CNTN5: variants seen among roughly 807,000 people sequenced by gnomAD.
The protein encoded by CNTN5 is contactin-5.
In CNTN5, 77 loss-of-function variants were observed where a neutral mutation model predicts 129.1. The observed-to-expected ratio is 0.60, with a 90% CI of 0.50 to 0.72. The LOEUF (loss-of-function observed/expected upper bound fraction) is 0.72. CNTN5 is among the 30% of genes least tolerant of loss of function. The pLI, the probability that CNTN5 is intolerant of heterozygous loss-of-function variation, is 0.00. For synonymous variants in CNTN5, 509 were observed against 465.6 expected (o/e 1.09, Z -1.20); for missense variants, 1,478 against 1,328.8 (o/e 1.11, Z -1.75).
chr11:99,479,345 A>G (rs996225312), intron 2 of CNTN5, among the ~76,000 whole-genome samples: 1 of 151,886 alleles, frequency 6.6e-6, no homozygotes, highest in Non-Finnish European at 1.5e-5. Flanking sequence ...CTATCCATTT[A>G]CTAGTTCTAT....
chr11:99,971,219 T>A (rs1951241757), intron 8 of CNTN5, among the ~76,000 whole-genome samples: 1 of 152,122 alleles, frequency 6.6e-6, no homozygotes, highest in African/African-American at 2.4e-5. Context: ...ACCTGAGATG[T>A]TGAGAATTTT....
At chr11:99,046,382 T>G (rs1268789064) in intron 1 of CNTN5, among the ~76,000 whole-genome samples, 1 of 152,074 alleles carries the variant, frequency 6.6e-6, no homozygotes, top group Non-Finnish European at 1.5e-5. Context: ...GGACTGTAAG[T>G]GTTCACTGTG....
At chr11:99,786,180 CA>C (rs1334006228) in intron 3 of CNTN5, among the ~76,000 whole-genome samples, 1 of 152,068 alleles carries the variant, frequency 6.6e-6, no homozygotes. Context: ...AATCAATGTG[CA>C]AAAATCAAAA....
At chr11:99,567,497 G>A (rs1002487513) in intron 3 of CNTN5, among the ~76,000 whole-genome samples, 1 of 151,956 alleles carries the variant, frequency 6.6e-6, no homozygotes, top group Admixed American at 6.6e-5. Flanking sequence ...TCATTGATAA[G>A]CTTATACAAA....
chr11:99,481,013 C>G (rs1049367008), intron 2 of CNTN5, among the ~76,000 whole-genome samples: 3 of 152,104 alleles, frequency 2.0e-5, no homozygotes, highest in African/African-American at 7.2e-5. Context: ...CCTACTCTCA[C>G]TCAGCTTACT....
chr11:99,966,181 C>A (rs932647890), intron 8 of CNTN5, among the ~76,000 whole-genome samples: 1 of 152,064 alleles, frequency 6.6e-6, no homozygotes, highest in Admixed American at 6.6e-5. Context: ...AAAATGTAGA[C>A]CTTTCTAAAA....
chr11:99,195,997 G>A (rs1282815582), intron 1 of CNTN5, among the ~76,000 whole-genome samples: 1 of 151,880 alleles, frequency 6.6e-6, no homozygotes, highest in Non-Finnish European at 1.5e-5. Context: ...CATTACTAAT[G>A]CTTGTGGTGT....
intron 9 of CNTN5, among the ~76,000 whole-genome samples, chr11:100,049,284 C>T (rs1038979515): frequency 1.3e-5 from 2 of 151,836 alleles, no homozygotes; most frequent in African/African-American, 4.8e-5. Context: ...AAAAGAATGG[C>T]ACAAAGGGTA....
intron 13 of CNTN5, among the ~76,000 whole-genome samples, chr11:100,184,408 G>A (rs1225863866): frequency 1.3e-5 from 2 of 152,132 alleles, no homozygotes; most frequent in Admixed American, 1.3e-4. Flanking sequence ...ATGATTCTAT[G>A]ATATAATGTC....
At chr11:99,251,020 T>C (rs7109330) in intron 1 of CNTN5, among the ~76,000 whole-genome samples, 1,646 of 151,998 alleles carry the variant, frequency 0.011, 35 homozygotes, top group African/African-American at 0.037. Context: ...TTTCTAAAAT[T>C]AACATTTTAT....
chr11:100,211,364 C>G (rs557191230), intron 15 of CNTN5, among the ~76,000 whole-genome samples: 55 of 152,066 alleles, frequency 3.6e-4, no homozygotes, highest in African/African-American at 1.3e-3. Context: ...AAGACTTTTG[C>G]TAAGCAACTT....
At chr11:99,102,610 G>A (rs1270774875) in intron 1 of CNTN5, among the ~76,000 whole-genome samples, 1 of 152,056 alleles carries the variant, frequency 6.6e-6, no homozygotes, top group Non-Finnish European at 1.5e-5. Context: ...CTAAAACATA[G>A]CAAGAGTCAC....
chr11:99,653,334 C>T (rs1043504181), intron 3 of CNTN5, among the ~76,000 whole-genome samples: 5 of 151,904 alleles, frequency 3.3e-5, no homozygotes, highest in African/African-American at 7.3e-5. Flanking sequence ...TCTTTTTCCC[C>T]ATAAGCACAG....
At chr11:99,472,827 C>A (rs1199507182) in intron 2 of CNTN5, among the ~76,000 whole-genome samples, 1 of 152,096 alleles carries the variant, frequency 6.6e-6, no homozygotes, top group Non-Finnish European at 1.5e-5. Context: ...CATTACAAAA[C>A]AATTATGAAC....
chr11:100,151,592 C>A (rs763948891), intron 13 of CNTN5, among the ~76,000 whole-genome samples: 3 of 152,092 alleles, frequency 2.0e-5, no homozygotes, highest in African/African-American at 7.2e-5. Flanking sequence ...GGTTTCCCTA[C>A]GTTAATTTGA....
At chr11:99,511,970 G>C (rs1032851010) in intron 2 of CNTN5, among the ~76,000 whole-genome samples, 1 of 152,022 alleles carries the variant, frequency 6.6e-6, no homozygotes, top group Non-Finnish European at 1.5e-5. Context: ...AGTTTATAAA[G>C]TAAATTAATT....
At chr11:99,306,749 A>G (rs2023294) in intron 1 of CNTN5, among the ~76,000 whole-genome samples, 30 of 430 alleles carry the variant, frequency 0.07, 2 homozygotes, top group Admixed American at 0.1. Flanking sequence ...TAATGATGAT[A>G]ATAATAATAA....
chr11:99,844,549 T>C, intron 4 of CNTN5: 2 of 377,598 alleles, frequency 5.3e-6, no homozygotes, highest in South Asian at 2.1e-5. Context: ...CTTAATATTA[T>C]TATCCTTCAG....
At chr11:99,203,706 C>T (rs1402653535) in intron 1 of CNTN5, among the ~76,000 whole-genome samples, 1 of 151,952 alleles carries the variant, frequency 6.6e-6, no homozygotes, top group Non-Finnish European at 1.5e-5. Flanking sequence ...CTCCTCCTAT[C>T]AAGTGATAGG....
Sources: allele counts gnomAD v4.1 joint callset (sites outside exome capture counted in the v4.1 genomes callset), GRCh38; gene constraint gnomAD v4.1.1; transcripts MANE v1.5; gene names NCBI Gene and HGNC (gene_info 2026-07-23, HGNC 2026-07-21).